Variants in PHACTR1 observed in about 807,000 individuals in gnomAD.
The protein encoded by PHACTR1 is phosphatase and actin regulator 1, also known as RPEL repeat containing 1.
A neutral mutation model predicts 69.2 loss-of-function variants in PHACTR1; 16 were observed. The ratio of observed to expected loss-of-function variants is 0.23; its 90% confidence interval spans 0.16 to 0.35. The LOEUF is 0.35. Ranked by LOEUF, PHACTR1 falls within the 10% of genes least tolerant of loss-of-function variation. The pLI is 1.00. For synonymous variants in PHACTR1, 312 were observed against 284.5 expected, an observed-to-expected ratio of 1.10 and a Z score of -0.97; for missense variants, 510 against 734.7, an observed-to-expected ratio of 0.69 and a Z score of 3.54.
At chr6:12,726,177 A>C (rs968524618) in intron 3 of PHACTR1, among the ~76,000 whole-genome samples, 1 of 152,184 alleles carries the variant, frequency 6.6e-6, no homozygotes, top group African/African-American at 2.4e-5. Context: ...ATTTAGGTCT[A>C]TTATTGAAAA....
chr6:12,751,197 T>G (rs1172240326), intron 4 of PHACTR1, among the ~76,000 whole-genome samples: 2 of 152,258 alleles, frequency 1.3e-5, no homozygotes, highest in Non-Finnish European at 2.9e-5. Flanking sequence ...AATATAATTT[T>G]CCTGTCTTGA....
chr6:12,825,432 T>C (rs1485322756), intron 4 of PHACTR1, among the ~76,000 whole-genome samples: 1 of 152,246 alleles, frequency 6.6e-6, no homozygotes, highest in Non-Finnish European at 1.5e-5. Context: ...GGACAGCTTC[T>C]TGTTTAGTGT....
At chr6:13,227,666 A>G in intron 8 of PHACTR1, 150 bp from the exon 9 acceptor site, 1 of 1,051,136 alleles carries the variant, frequency 9.5e-7, no homozygotes, top group Non-Finnish European at 1.4e-6. Flanking sequence ...TCTTAAAGTG[A>G]TTCCCTGTAA....
At chr6:12,879,652 G>C (rs1355715597) in intron 4 of PHACTR1, among the ~76,000 whole-genome samples, 1 of 152,140 alleles carries the variant, frequency 6.6e-6, no homozygotes, top group Non-Finnish European at 1.5e-5. Context: ...CACATATTGA[G>C]TATTAAGTAT....
At chr6:13,152,981 C>T (rs1294756110) in intron 5 of PHACTR1, among the ~76,000 whole-genome samples, 4 of 152,078 alleles carry the variant, frequency 2.6e-5, no homozygotes, top group Non-Finnish European at 4.4e-5. Flanking sequence ...CATCTAGTAC[C>T]GGCCCTGGAG....
intron 4 of PHACTR1, among the ~76,000 whole-genome samples, chr6:12,974,877 G>T (rs1044253663): frequency 6.6e-5 from 10 of 152,190 alleles, no homozygotes; most frequent in Non-Finnish European, 1.5e-4. Context: ...ACTGACCACT[G>T]TGTGAAACAT....
intron 4 of PHACTR1, among the ~76,000 whole-genome samples, chr6:12,751,292 A>G (rs1031615336): frequency 6.6e-6 from 1 of 152,156 alleles, no homozygotes; most frequent in Non-Finnish European, 1.5e-5. Flanking sequence ...TTTATTTAGA[A>G]AGCTTTGGCA....
chr6:12,866,336 T>C lies in PHACTR1; in HGVS notation c.250+116546T>C, dbSNP rs527581324. Among the ~76,000 whole-genome samples the C allele has an allele frequency of 3.3e-5, 5 of 152,196 alleles. No homozygotes were observed. The South Asian group carries it at 1.0e-3, about 32-fold the overall frequency. On this transcript the variant is annotated intron_variant, in intron 4 of 14. Coordinates refer to ENST00000332995, the MANE Select transcript of PHACTR1 (RefSeq NM_030948.6). ...TGGTAAAGAAAAAGAGAGAAAAATA[T>C]TTGGGTTGCATTTTAAACTTAACCT...
At chr6:13,019,725 G>A (rs1800694638) in intron 4 of PHACTR1, among the ~76,000 whole-genome samples, 1 of 152,080 alleles carries the variant, frequency 6.6e-6, no homozygotes, top group African/African-American at 2.4e-5. Flanking sequence ...TTGTCTAAAG[G>A]AGATAAAAAC....
chr6:12,802,194 T>C (rs1216705477), intron 4 of PHACTR1, among the ~76,000 whole-genome samples: 1 of 150,834 alleles, frequency 6.6e-6, no homozygotes, highest in East Asian at 1.9e-4. Flanking sequence ...CTGGCATTAA[T>C]AGCCAGTTAA....
chr6:13,080,658 T>G (rs982544508), intron 5 of PHACTR1, among the ~76,000 whole-genome samples: 1 of 152,188 alleles, frequency 6.6e-6, no homozygotes, highest in African/African-American at 2.4e-5. Context: ...AATGAACTCA[T>G]TTGATCAGCA....
At chr6:13,225,101 T>C (rs1200592863) in intron 8 of PHACTR1, among the ~76,000 whole-genome samples, 1 of 152,228 alleles carries the variant, frequency 6.6e-6, no homozygotes, top group African/African-American at 2.4e-5. Context: ...TCCTTTCTTT[T>C]CTTGCTCTCC....
chr6:13,236,291 T>A (rs1481317205), intron 10 of PHACTR1, among the ~76,000 whole-genome samples: 2 of 152,240 alleles, frequency 1.3e-5, no homozygotes, highest in Admixed American at 1.3e-4. Context: ...ACCACTCACC[T>A]ATGATTATTC....
chr6:13,113,805 G>A (rs1159236149), intron 5 of PHACTR1, among the ~76,000 whole-genome samples: 1 of 152,164 alleles, frequency 6.6e-6, no homozygotes, highest in Non-Finnish European at 1.5e-5. Flanking sequence ...GGACTGGAAA[G>A]GAAGGAACCA....
intron 4 of PHACTR1, among the ~76,000 whole-genome samples, chr6:13,030,186 T>C (rs1039516646): frequency 4.6e-5 from 7 of 151,830 alleles, no homozygotes; most frequent in African/African-American, 1.5e-4. Context: ...ATTAAACGCA[T>C]TCACACTGAA....
intron 4 of PHACTR1, chr6:12,933,773 C>T: frequency 1.2e-6 from 2 of 1,612,838 alleles, no homozygotes; most frequent in Middle Eastern, 1.6e-4. Context: ...TACATCAGCC[C>T]ACATCTGCTC....
intron 4 of PHACTR1, among the ~76,000 whole-genome samples, chr6:13,045,863 A>G (rs143106308): frequency 8.2e-4 from 125 of 152,314 alleles, no homozygotes; most frequent in African/African-American, 2.7e-3. Flanking sequence ...ACCAGGCAGA[A>G]CTCTGTAGAA....
chr6:12,780,249 C>CTCTGTGTGTG (rs3222018), intron 4 of PHACTR1, among the ~76,000 whole-genome samples: 1 of 147,452 alleles, frequency 6.8e-6, no homozygotes, highest in African/African-American at 2.5e-5. Context: ...TATCTTTTCT[C>CTCTGTGTGTG]TGTGTGTGTG....
intron 4 of PHACTR1, among the ~76,000 whole-genome samples, chr6:12,797,029 G>GTC (rs1773087528): frequency 8.0e-6 from 1 of 125,438 alleles, no homozygotes; most frequent in East Asian, 3.1e-4. Flanking sequence ...GTGTGTGTGT[G>GTC]TGTGTGTGTG....
Sources: gnomAD v4.1 joint callset for allele counts (sites outside exome capture counted in the v4.1 genomes callset) on GRCh38, gnomAD v4.1.1 for gene constraint, MANE v1.5 for transcripts, NCBI Gene and HGNC (gene_info 2026-07-23, HGNC 2026-07-21) for gene names.